HDAC9: variants seen among roughly 807,000 people sequenced by gnomAD.
HDAC9 encodes the protein histone deacetylase 9, also known as MEF-2 interacting transcription repressor (MITR) protein.
Under a neutral mutation model 139.4 loss-of-function variants are expected in HDAC9, and 41 were observed. The observed-to-expected ratio is 0.29, with a 90% CI of 0.23 to 0.38. HDAC9 has a LOEUF of 0.38. Ranked by LOEUF, HDAC9 falls within the 10% of genes least tolerant of loss-of-function variation. The pLI, the probability that HDAC9 is intolerant of heterozygous loss-of-function variation, is 1.00. For missense variants in HDAC9, 1,147 were observed against 1,297.0 expected (o/e 0.88, Z 1.78); for synonymous variants, 517 against 476.2 (o/e 1.09, Z -1.12).
rs116184813 is a variant in HDAC9 at position 18,579,636 on chromosome 7, G to A, written c.23-5645G>A. Among the ~76,000 whole-genome samples, 1,113 of 152,270 alleles carry A rather than the reference G, an allele frequency of 7.3e-3. 10 individuals carry two copies. Among genetic ancestry groups the A allele is most frequent in the African/African-American group, 0.025 (1,049 of 41,542 alleles). On this transcript the variant is annotated intron_variant, in intron 2 of 25. Coordinates refer to ENST00000686413, the MANE Select transcript of HDAC9 (RefSeq NM_178425.4). ...TAACGTAGGAATAAAATGGCTCTGG[G>A]CAGCATTGCTGATATAACCAAGTTG...
intron 2 of HDAC9, among the ~76,000 whole-genome samples, chr7:18,507,844 C>A (rs1261129045): frequency 6.6e-6 from 1 of 152,088 alleles, no homozygotes; most frequent in Non-Finnish European, 1.5e-5. Context: ...AGGAAACACA[C>A]AGTAATTGAA....
At chr7:18,476,671 A>G (rs187380447) in intron 1 of HDAC9, among the ~76,000 whole-genome samples, 1 of 152,182 alleles carries the variant, frequency 6.6e-6, no homozygotes, top group Non-Finnish European at 1.5e-5. Context: ...AGTTAATTTT[A>G]AAAGTCCAAT....
At chr7:18,700,696 C>T (rs934494896) in intron 12 of HDAC9, among the ~76,000 whole-genome samples, 2 of 152,188 alleles carry the variant, frequency 1.3e-5, no homozygotes, top group Admixed American at 1.3e-4. Flanking sequence ...CTAGGCTGGC[C>T]TTGCTCACAC....
intron 2 of HDAC9, among the ~76,000 whole-genome samples, chr7:18,281,894 C>CA (rs1177814782): frequency 6.6e-6 from 1 of 152,090 alleles, no homozygotes. Context: ...TCAGAGAATA[C>CA]AGTGAACTTG....
rs141932369 is a variant in HDAC9 at position 18,972,966 on chromosome 7, C to A, written c.3023-2840C>A. Reference sequence around the variant, plus strand: ...CTGCAATATACATAATTCTTTTAAGCTGAGAATTTTATAATTGAGCTTTTT... The same window carrying A: ...CTGCAATATACATAATTCTTTTAAGATGAGAATTTTATAATTGAGCTTTTT... On this transcript the variant is annotated intron_variant, in intron 24 of 25. Transcript: ENST00000686413. Among the ~76,000 whole-genome samples, 377 of 152,178 alleles carry A rather than the reference C, an allele frequency of 2.5e-3. 3 individuals carry two copies. The highest frequency in any genetic ancestry group is 8.7e-3 in the African/African-American group (361 of 41,530).
chr7:18,854,877 AT>A lies in HDAC9; in HGVS notation c.2684+18884del, dbSNP rs1216248577. On this transcript the variant is annotated intron_variant, in intron 21 of 25. Coordinates refer to ENST00000686413, the MANE Select transcript of HDAC9 (RefSeq NM_178425.4). ...ACGTTATAGCATTAATGGTCTATAT[AT>A]TTTGACAGCGTACTTAAACCCCCAA... 3.3e-5 allele frequency among the ~76,000 whole-genome samples: 5 copies of A among 152,288 alleles called. No individual in the cohort carries two copies. The East Asian group carries it at 9.6e-4, about 29-fold the overall frequency.
chr7:18,752,199 G>A (rs1788511171), intron 14 of HDAC9, among the ~76,000 whole-genome samples: 1 of 152,054 alleles, frequency 6.6e-6, no homozygotes, highest in Non-Finnish European at 1.5e-5. Flanking sequence ...AGTTGTTGAA[G>A]AATCAGGAGA....
chr7:18,622,536 C>A (rs1562618404), intron 6 of HDAC9, among the ~76,000 whole-genome samples: 1 of 151,934 alleles, frequency 6.6e-6, no homozygotes, highest in Non-Finnish European at 1.5e-5. Flanking sequence ...GTTGGACAGG[C>A]TGGTCTCAAA....
At chr7:18,302,078 A>G (rs1798575902) in intron 1 of HDAC9, among the ~76,000 whole-genome samples, 1 of 152,220 alleles carries the variant, frequency 6.6e-6, no homozygotes, top group Admixed American at 6.5e-5. Flanking sequence ...CCTTACCATC[A>G]GTTGGTGATT....
chr7:18,899,081 A>G (rs1037291226), intron 22 of HDAC9, among the ~76,000 whole-genome samples: 3 of 152,070 alleles, frequency 2.0e-5, no homozygotes, highest in Non-Finnish European at 4.4e-5. Flanking sequence ...TGGAATCTCC[A>G]CTAAGCAAAC....
chr7:18,970,086 T>C (rs1228076619), intron 24 of HDAC9, among the ~76,000 whole-genome samples: 1 of 152,164 alleles, frequency 6.6e-6, no homozygotes, highest in African/African-American at 2.4e-5. Context: ...TTAAAAATGC[T>C]AAAAATTTCA....
intron 2 of HDAC9, among the ~76,000 whole-genome samples, chr7:18,282,044 T>G (rs1797139522): frequency 6.6e-6 from 1 of 152,150 alleles, no homozygotes; most frequent in South Asian, 2.1e-4. Flanking sequence ...AGTAAAGCGT[T>G]TAGAAAAAGG....
At chr7:18,286,973 A>G (rs1797492183), upstream of HDAC9, among the ~76,000 whole-genome samples, 1 of 152,212 alleles carries the variant, frequency 6.6e-6, no homozygotes, top group Admixed American at 6.5e-5. Context: ...TTACATATCT[A>G]GAACACAAGG....
At chr7:18,362,419 A>G (rs137905646) in intron 1 of HDAC9, among the ~76,000 whole-genome samples, 17 of 152,308 alleles carry the variant, frequency 1.1e-4, no homozygotes, top group Non-Finnish European at 2.4e-4. Context: ...GGTAACTTAG[A>G]TGATCCAGTC....
Position 18,780,142 on chromosome 7 carries a change from G to C in HDAC9, c.2214+12987G>C, listed in dbSNP as rs139575268. Reference sequence around the variant, plus strand: ...GCTACTCATCCGTGGACCACATTTTGAGTGGTAAGATCCTGTAAGACCATG... The same window carrying C: ...GCTACTCATCCGTGGACCACATTTTCAGTGGTAAGATCCTGTAAGACCATG... On this transcript the variant is annotated intron_variant, in intron 16 of 25. Coordinates refer to ENST00000686413, the MANE Select transcript of HDAC9 (RefSeq NM_178425.4). Among the ~76,000 whole-genome samples, 765 of 152,110 alleles carry C rather than the reference G, an allele frequency of 5.0e-3. 10 individuals are homozygous for C. In the Middle Eastern group the frequency reaches 0.058, roughly 11 times the overall value.
intron 1 of HDAC9, among the ~76,000 whole-genome samples, chr7:18,294,028 G>T (rs944266526): frequency 6.6e-6 from 1 of 152,090 alleles, no homozygotes; most frequent in Non-Finnish European, 1.5e-5. Context: ...CCCTTGAGAT[G>T]AATTCTGTCT....
intron 1 of HDAC9, among the ~76,000 whole-genome samples, chr7:18,152,165 T>A (rs1044302361): frequency 6.6e-6 from 1 of 152,226 alleles, no homozygotes; most frequent in Admixed American, 6.5e-5. Flanking sequence ...TGAGGGGCAG[T>A]TTGTAACACA....
intron 12 of HDAC9, among the ~76,000 whole-genome samples, chr7:18,707,692 AAT>A (rs1784034961): frequency 6.6e-6 from 1 of 152,156 alleles, no homozygotes; most frequent in African/African-American, 2.4e-5. Flanking sequence ...GGATATGGGC[AAT>A]TATTATTTTC....
intron 1 of HDAC9, among the ~76,000 whole-genome samples, chr7:18,137,322 C>T (rs1223174602): frequency 2.7e-5 from 4 of 148,654 alleles, no homozygotes; most frequent in African/African-American, 1.0e-4. Flanking sequence ...ATTGCCCTGG[C>T]CAGAACTTCC....
Sources: gnomAD v4.1 joint callset for allele counts (sites outside exome capture counted in the v4.1 genomes callset) on GRCh38, gnomAD v4.1.1 for gene constraint, MANE v1.5 for transcripts, NCBI Gene and HGNC (gene_info 2026-07-23, HGNC 2026-07-21) for gene names.